Variants in MOXD1 observed in about 807,000 individuals in gnomAD.
MOXD1 encodes monooxygenase DBH like 1, also known as DBH-like monooxygenase protein 1.
In MOXD1, 62 loss-of-function variants were observed where a neutral mutation model predicts 66.6. The ratio of observed to expected loss-of-function variants is 0.93; its 90% CI spans 0.76 to 1.15. MOXD1 has a LOEUF of 1.15. Among genes scored for constraint, MOXD1 ranks in the 50% most tolerant of loss-of-function variants. The pLI is 0.00. For missense variants in MOXD1, 847 were observed against 754.6 expected (o/e 1.12, Z -1.44); for synonymous variants, 303 against 281.9 (o/e 1.07, Z -0.75).
At chr6:132,349,763 A>G (rs1243646238) in intron 4 of MOXD1, among the ~76,000 whole-genome samples, 1 of 151,594 alleles carries the variant, frequency 6.6e-6, no homozygotes, top group South Asian at 2.1e-4. Context: ...TTCCCTGATC[A>G]CCGCATCCAC....
chr6:132,326,208 A>G (rs1775184664), intron 6 of MOXD1, among the ~76,000 whole-genome samples: 1 of 152,130 alleles, frequency 6.6e-6, no homozygotes, highest in Admixed American at 6.5e-5. Context: ...CTGGAAACAA[A>G]TTCGTATTAT....
Position 132,323,930 on chromosome 6 carries a change from C to A in MOXD1, c.1113+1G>T. 1.2e-6 allele frequency: 2 copies of A among 1,601,028 alleles called. No individual in the cohort carries two copies. Among genetic ancestry groups the A allele is most frequent in the Non-Finnish European group, 1.7e-6 (2 of 1,175,668 alleles). On this transcript the variant is annotated splice_donor_variant, in intron 7 of 11. Coordinates refer to ENST00000367963, the MANE Select transcript of MOXD1 (RefSeq NM_015529.4). LOFTEE classifies it high-confidence loss of function. Reference sequence around the variant, plus strand: ...GCAGCTCAGACTCAGATGCTGCATACCTCTTCCAGGCACTCCAAAGTGCAG... The same window carrying A: ...GCAGCTCAGACTCAGATGCTGCATAACTCTTCCAGGCACTCCAAAGTGCAG...
intron 1 of MOXD1, among the ~76,000 whole-genome samples, chr6:132,375,583 G>A (rs377691572): frequency 2.1e-4 from 32 of 152,172 alleles, no homozygotes; most frequent in African/African-American, 6.7e-4. Flanking sequence ...CCACCGCCAC[G>A]CCTGGCTAAT....
Position 132,328,101 on chromosome 6 carries a change from T to G in MOXD1, c.858A>C (p.Pro286=). ...WAIGGEGFSY[P]PHVGLSLGTP... ...TGCCAAGGGATAATCCAACATGAGG[T>G]GGATAAGAAAAGCCCTAAATATGGA... Residue 286 remains proline, a synonymous_variant, in exon 6 of 12, where the codon CCA becomes CCC. Transcript: ENST00000367963. 6.2e-7 allele frequency: 1 copy of G among 1,613,530 alleles called. No homozygotes were observed.
At chr6:132,328,846 C>CT (rs933200130) in intron 4 of MOXD1, among the ~76,000 whole-genome samples, 85 of 151,214 alleles carry the variant, frequency 5.6e-4, no homozygotes, top group Middle Eastern at 6.8e-3. Flanking sequence ...TACTAATCGG[C>CT]TTTTTTTTTG....
At chr6:132,352,101 T>C (rs1775813449) in intron 4 of MOXD1, among the ~76,000 whole-genome samples, 1 of 152,160 alleles carries the variant, frequency 6.6e-6, no homozygotes, top group Non-Finnish European at 1.5e-5. Flanking sequence ...ATGTTTTGTA[T>C]TGTTTTTTGT....
At chr6:132,392,074 A>G (rs117549859) in intron 1 of MOXD1, 42,321 of 1,092,652 alleles carry the variant, frequency 0.039, 1,161 homozygotes, top group South Asian at 0.12. Context: ...CACTCTCTTC[A>G]TCTCTCCCTT....
At chr6:132,326,551 AT>A (rs1775191162) in intron 6 of MOXD1, among the ~76,000 whole-genome samples, 1 of 152,104 alleles carries the variant, frequency 6.6e-6, no homozygotes, top group African/African-American at 2.4e-5. Flanking sequence ...AAAAGTTGCA[AT>A]ATAAGACATA....
chr6:132,342,749 T>C (rs185981470), intron 4 of MOXD1, among the ~76,000 whole-genome samples: 12 of 152,340 alleles, frequency 7.9e-5, no homozygotes, highest in Admixed American at 7.8e-4. Context: ...AGTAGATATA[T>C]ATAATTTTGC....
At chr6:132,322,980 T>A in intron 7 of MOXD1, 110 bp from the exon 8 acceptor site, 1 of 919,162 alleles carries the variant, frequency 1.1e-6, no homozygotes, top group Non-Finnish European at 1.6e-6. Context: ...TAAAGCAATT[T>A]AAATGAATGC....
At chr6:132,395,321 T>A (rs1776847457) in intron 1 of MOXD1, among the ~76,000 whole-genome samples, 1 of 151,658 alleles carries the variant, frequency 6.6e-6, no homozygotes, top group African/African-American at 2.4e-5. Context: ...CACCCAAAAG[T>A]GAAAGAACAA....
chr6:132,328,366 G>T (rs773525452), intron 5 of MOXD1, 49 bp downstream of exon 5: 1 of 1,577,500 alleles, frequency 6.3e-7, no homozygotes, highest in South Asian at 1.1e-5. Flanking sequence ...TTTGTGGCGG[G>T]AAATATGATC....
intron 4 of MOXD1, among the ~76,000 whole-genome samples, chr6:132,346,859 C>T (rs1157264953): frequency 6.6e-6 from 1 of 152,130 alleles, no homozygotes; most frequent in Admixed American, 6.5e-5. Context: ...GTTTACAACT[C>T]CCCATTATTG....
At chr6:132,323,097 A>T (rs1182661988) in intron 7 of MOXD1, among the ~76,000 whole-genome samples, 1 of 152,226 alleles carries the variant, frequency 6.6e-6, no homozygotes, top group Non-Finnish European at 1.5e-5. Context: ...GGCCTCCCAG[A>T]CCATTTCTAC....
chr6:132,351,626 G>A (rs1466994514), intron 4 of MOXD1, among the ~76,000 whole-genome samples: 6 of 152,102 alleles, frequency 3.9e-5, no homozygotes, highest in Admixed American at 3.9e-4. Context: ...CCCTTTCCTG[G>A]TTTGGGTATT....
In MOXD1 at chr6:132,372,690, AC is replaced by A. The variant is rs1562296007; in HGVS notation, c.580del (p.Val194SerfsTer26). 11 of 1,613,530 alleles carry A rather than the reference AC, an allele frequency of 6.8e-6. No homozygotes were observed. The South Asian group carries it at 1.2e-4, about 18-fold the overall frequency. On this transcript the variant is annotated frameshift_variant and splice_region_variant, in exon 4 of 12. Coordinates refer to ENST00000367963, the MANE Select transcript of MOXD1 (RefSeq NM_015529.4). LOFTEE classifies it high-confidence loss of function. Reference sequence around the variant, plus strand: ...TGTTGTATCTTTGTTTGGGATGGGGACCTGTCTTAATAAAAAGGGGAGGAAG... The same window carrying A: ...TGTTGTATCTTTGTTTGGGATGGGGACTGTCTTAATAAAAAGGGGAGGAAG... Reference protein sequence around the residue: ...LPYFDLVNQDVPIPNKDTTYW... With the variant: ...LPYFDLVNQDXPIPNKDTTYW...
intron 4 of MOXD1, among the ~76,000 whole-genome samples, chr6:132,332,361 T>C (rs540099958): frequency 6.7e-6 from 1 of 149,696 alleles, no homozygotes; most frequent in South Asian, 2.1e-4. Flanking sequence ...CTTGGCAAAA[T>C]AGAAAGGATG....
intron 4 of MOXD1, among the ~76,000 whole-genome samples, chr6:132,333,529 GA>G (rs1775371034): frequency 6.6e-6 from 1 of 152,022 alleles, no homozygotes; most frequent in Non-Finnish European, 1.5e-5. Flanking sequence ...GAAAGTATAC[GA>G]ATATAGATAT....
intron 4 of MOXD1, among the ~76,000 whole-genome samples, chr6:132,350,168 C>T (rs1232869224): frequency 6.6e-6 from 1 of 152,142 alleles, no homozygotes; most frequent in Non-Finnish European, 1.5e-5. Context: ...ATTGCATTTG[C>T]TTTTGGGTTC....
Sources: allele counts gnomAD v4.1 joint callset (sites outside exome capture counted in the v4.1 genomes callset), GRCh38; gene constraint gnomAD v4.1.1; transcripts MANE v1.5; gene names NCBI Gene and HGNC (gene_info 2026-07-23, HGNC 2026-07-21).